CPEB3: variants seen among roughly 807,000 people sequenced by gnomAD.
CPEB3 encodes cytoplasmic polyadenylation element binding protein 3.
CPEB3 carries 20 observed loss-of-function variants against 67.2 expected under a neutral mutation model. The observed-to-expected ratio is 0.30, with a 90% confidence interval of 0.21 to 0.43. The LOEUF is 0.43. Among genes scored for constraint, CPEB3 ranks in the 20% least tolerant of loss-of-function variants. The pLI, the probability that CPEB3 is intolerant of heterozygous loss-of-function variation, is 1.00. For synonymous variants in CPEB3, 376 were observed against 393.1 expected, an observed-to-expected ratio of 0.96 and a Z score of 0.51; for missense variants, 746 against 968.6, an observed-to-expected ratio of 0.77 and a Z score of 3.05.
rs752854129 is a variant in CPEB3 at position 92,081,302 on chromosome 10, C to A, written c.1869+18G>T. 2 of 1,614,084 alleles carry A rather than the reference C, an allele frequency of 1.2e-6. No individual in the cohort carries two copies. Among genetic ancestry groups the A allele is most frequent in the Admixed American group, 3.3e-5 (2 of 60,010 alleles). On this transcript the variant is annotated intron_variant, in intron 9 of 9. Transcript: ENST00000265997. The stretch of plus-strand genomic sequence containing the variant: ...TCTTTTCTCTCCCATAGCAGTTTCA[C>A]CCTAAGTAGGTGCTTACCCGTTTGT...
rs529707867 is a variant in CPEB3 at position 92,164,149 on chromosome 10, C to T, written c.1222+16814G>A. ...TCCAGGCATATGCTAAGTACTTGTACGTCTTCTAATCCCCAAGGCAGCTAT... is the reference window on the plus strand; with the variant it reads ...TCCAGGCATATGCTAAGTACTTGTATGTCTTCTAATCCCCAAGGCAGCTAT... On this transcript the variant is annotated intron_variant, in intron 4 of 9. Coordinates refer to ENST00000265997, the MANE Select transcript of CPEB3 (RefSeq NM_014912.5). 1.4e-4 allele frequency among the ~76,000 whole-genome samples: 22 copies of T among 152,204 alleles called. No individual in the cohort carries two copies. In the East Asian group the frequency reaches 1.5e-3, roughly 11 times the overall value.
chr10:92,216,730 G>A, intron 2 of CPEB3: 1 of 1,607,522 alleles, frequency 6.2e-7, no homozygotes, highest in Non-Finnish European at 8.5e-7. Context: ...AGCCCCACGA[G>A]GAGTACCAGG....
rs908510837 is a variant in CPEB3, at chr10:92,204,922, C to G, written c.1006-12286G>C. On this transcript the variant is annotated intron_variant, in intron 2 of 9. Coordinates refer to ENST00000265997, the MANE Select transcript of CPEB3 (RefSeq NM_014912.5). ...GTGGTACTATAATGGCTCACTGCAACCTGTGCCTCCCAGGTTCAAGCAATT... is the reference window on the plus strand; with the variant it reads ...GTGGTACTATAATGGCTCACTGCAAGCTGTGCCTCCCAGGTTCAAGCAATT... 4.1e-5 allele frequency among the ~76,000 whole-genome samples: 6 copies of G among 147,420 alleles called. No homozygotes were observed. In the Admixed American group the frequency reaches 4.1e-4, roughly 10 times the overall value.
At chr10:92,085,002 T>A (rs913597730) in intron 8 of CPEB3, among the ~76,000 whole-genome samples, 36 of 152,322 alleles carry the variant, frequency 2.4e-4, no homozygotes, top group African/African-American at 8.4e-4. Context: ...TCATTCAGCA[T>A]ACTTTATTAA....
At chr10:92,081,225 G>T in intron 9 of CPEB3, 95 bp downstream of exon 9, 2 of 1,298,320 alleles carry the variant, frequency 1.5e-6, no homozygotes, top group Admixed American at 1.7e-5. Context: ...GGTAGAGCTG[G>T]TCACTTATGA....
intron 4 of CPEB3, among the ~76,000 whole-genome samples, chr10:92,164,569 C>T (rs561558415): frequency 9.2e-5 from 14 of 152,126 alleles, no homozygotes; most frequent in Non-Finnish European, 2.1e-4. Context: ...TGTTTGACTT[C>T]CTTCACTTAG....
rs146827283 is a variant in CPEB3, at chr10:92,234,632, A to G, written c.1005+4714T>C. Among the ~76,000 whole-genome samples the G allele has an allele frequency of 2.7e-3, 406 of 152,348 alleles. 2 individuals carry two copies. Among genetic ancestry groups the G allele is most frequent in the South Asian group, 0.011 (52 of 4,822 alleles). ...ACTGAACCTCAATTTATTTGTCAAT[A>G]TAACAAGGATAATAGGCCGGGCACA... On this transcript the variant is annotated intron_variant, in intron 2 of 9. Coordinates refer to ENST00000265997, the MANE Select transcript of CPEB3 (RefSeq NM_014912.5).
At chr10:92,131,885 T>A (rs1295940313) in intron 6 of CPEB3, among the ~76,000 whole-genome samples, 1 of 152,206 alleles carries the variant, frequency 6.6e-6, no homozygotes, top group Non-Finnish European at 1.5e-5. Flanking sequence ...TTGACCCTTG[T>A]TCTAGAGAAG....
At chr10:92,240,653 A>G (rs187696609) in intron 1 of CPEB3, among the ~76,000 whole-genome samples, 17 of 152,268 alleles carry the variant, frequency 1.1e-4, no homozygotes, top group African/African-American at 4.1e-4. Flanking sequence ...AAAGACAGCA[A>G]TTTCGCCACG....
At chr10:92,176,211 TAAAG>T (rs1389040247) in intron 4 of CPEB3, among the ~76,000 whole-genome samples, 1 of 152,234 alleles carries the variant, frequency 6.6e-6, no homozygotes, top group Non-Finnish European at 1.5e-5. Flanking sequence ...AACTAATATG[TAAAG>T]AAAGAAAGAT....
At chr10:92,258,463 T>C (rs1427351509) in intron 1 of CPEB3, among the ~76,000 whole-genome samples, 1 of 151,588 alleles carries the variant, frequency 6.6e-6, no homozygotes, top group African/African-American at 2.4e-5. Context: ...GATAATGAAA[T>C]AGTGCAGATA....
At chr10:92,256,533 C>G (rs1852522150) in intron 1 of CPEB3, among the ~76,000 whole-genome samples, 1 of 151,978 alleles carries the variant, frequency 6.6e-6, no homozygotes, top group Non-Finnish European at 1.5e-5. Flanking sequence ...GGACTACAGG[C>G]ACGTGCCACC....
chr10:92,160,662 G>A (rs1031071051), intron 4 of CPEB3, among the ~76,000 whole-genome samples: 3 of 151,896 alleles, frequency 2.0e-5, no homozygotes, highest in African/African-American at 7.3e-5. Flanking sequence ...CTGATTTCTG[G>A]CCAGATACCC....
At chr10:92,143,509 T>C (rs955903853) in intron 5 of CPEB3, among the ~76,000 whole-genome samples, 1 of 152,334 alleles carries the variant, frequency 6.6e-6, no homozygotes, top group East Asian at 1.9e-4. Context: ...GTTTCACTTG[T>C]AGGAACCTCT....
At chr10:92,279,788 T>A (rs934520910) in intron 1 of CPEB3, among the ~76,000 whole-genome samples, 1 of 152,126 alleles carries the variant, frequency 6.6e-6, no homozygotes, top group East Asian at 1.9e-4. Flanking sequence ...GATCGCTCGA[T>A]CTCTTGAACC....
At chr10:92,089,200 C>T (rs1843506772) in intron 8 of CPEB3, among the ~76,000 whole-genome samples, 1 of 152,132 alleles carries the variant, frequency 6.6e-6, no homozygotes, top group South Asian at 2.1e-4. Context: ...TACATCAGTT[C>T]CCAAAGCTCA....
At chr10:92,138,474 A>AT (rs957721895) in intron 6 of CPEB3, 1 of 148,728 alleles carries the variant, frequency 6.7e-6, no homozygotes, top group Non-Finnish European at 1.5e-5. Flanking sequence ...ACATCTTGTA[A>AT]TTTTTTTCCT....
intron 2 of CPEB3, among the ~76,000 whole-genome samples, chr10:92,234,641 A>G (rs1254540182): frequency 6.6e-6 from 1 of 152,186 alleles, no homozygotes; most frequent in Non-Finnish European, 1.5e-5. Flanking sequence ...TATAACAAGG[A>G]TAATAGGCCG....
rs1293034158 is a variant in CPEB3 at position 92,244,447 on chromosome 10, T to TC, written c.-11-4087_-11-4086insG. 5.4e-5 allele frequency among the ~76,000 whole-genome samples: 5 copies of TC among 93,228 alleles called. No individual in the cohort carries two copies. The East Asian group carries it at 1.0e-3, about 19-fold the overall frequency. The allele number at this position is 93,228 out of a possible 152,430, so 61.2% of individuals were successfully genotyped here. A position where few individuals can be genotyped will look rare whatever the true frequency, so the allele number is the denominator to read the frequency against. On this transcript the variant is annotated intron_variant, in intron 1 of 9. Coordinates refer to ENST00000265997, the MANE Select transcript of CPEB3 (RefSeq NM_014912.5). ...AAGACAAACAGTAGATACAGTTTTC[T>TC]TTTTTTTTGAGATGGAGTCTCTCTC...
Sources: allele counts gnomAD v4.1 joint callset (sites outside exome capture counted in the v4.1 genomes callset), GRCh38; gene constraint gnomAD v4.1.1; transcripts MANE v1.5; gene names NCBI Gene and HGNC (gene_info 2026-07-23, HGNC 2026-07-21).